Variants in AFF3 observed in about 807,000 individuals in gnomAD.
AFF3 encodes ALF transcription elongation factor 3, also known as AF4/FMR2 family member 3.
In AFF3, 32 loss-of-function variants were observed where a neutral mutation model predicts 129.7. The observed-to-expected ratio is 0.25, with a 90% CI of 0.19 to 0.33. The LOEUF (loss-of-function observed/expected upper bound fraction) is 0.33. Ranked by LOEUF, AFF3 falls within the 10% of genes least tolerant of loss-of-function variation. The pLI is 1.00. For synonymous variants in AFF3, 644 were observed against 635.4 expected (o/e 1.01, Z -0.20); for missense variants, 1,373 against 1,592.0 (o/e 0.86, Z 2.34).
rs143323349 is a variant in AFF3, at chr2:99,942,446, G to T, written c.873+64186C>A. On this transcript the variant is annotated intron_variant, in intron 7 of 24. Coordinates refer to ENST00000672756, the MANE Select transcript of AFF3 (RefSeq NM_001386135.1). ...TTCAGAAAATAAGGATGATGTGCTAGTGAGTGACTGCTGGGAGCTATTTTA... is the reference window on the plus strand; with the variant it reads ...TTCAGAAAATAAGGATGATGTGCTATTGAGTGACTGCTGGGAGCTATTTTA... Among the ~76,000 whole-genome samples, 442 of 150,714 alleles carry T rather than the reference G, an allele frequency of 2.9e-3. 3 individuals are homozygous for T. Among genetic ancestry groups the T allele is most frequent in the African/African-American group, 0.01 (420 of 41,020 alleles).
intron 1 of AFF3, among the ~76,000 whole-genome samples, chr2:100,140,475 A>T (rs184434090): frequency 3.9e-5 from 6 of 152,258 alleles, no homozygotes; most frequent in Admixed American, 3.3e-4. Flanking sequence ...GGATTGGGAC[A>T]CAGAATCTGG....
At chr2:99,984,351 A>G (rs1263091424) in intron 7 of AFF3, among the ~76,000 whole-genome samples, 1 of 152,184 alleles carries the variant, frequency 6.6e-6, no homozygotes, top group Non-Finnish European at 1.5e-5. Flanking sequence ...TAACAGTGAA[A>G]GAGATCACTT....
chr2:100,126,053 A>G (rs1313990913), intron 2 of AFF3, among the ~76,000 whole-genome samples: 1 of 152,222 alleles, frequency 6.6e-6, no homozygotes, highest in Non-Finnish European at 1.5e-5. Flanking sequence ...AACCAAAAAA[A>G]GAGAAGAAAA....
intron 8 of AFF3, among the ~76,000 whole-genome samples, chr2:99,803,690 G>A (rs556418033): frequency 6.6e-6 from 1 of 152,136 alleles, no homozygotes; most frequent in Non-Finnish European, 1.5e-5. Context: ...TATACTATAA[G>A]GTTATAGTAA....
chr2:99,618,096 A>G (rs1320622634), intron 13 of AFF3, among the ~76,000 whole-genome samples: 3 of 151,998 alleles, frequency 2.0e-5, no homozygotes, highest in African/African-American at 7.3e-5. Context: ...CTCGCTGGCT[A>G]TATGACCTTT....
In AFF3 at chr2:99,550,395, A is replaced by G. The variant is rs1410443836; in HGVS notation, c.*1079T>C. On this transcript the variant is annotated 3_prime_UTR_variant, in exon 25 of 25. Transcript: ENST00000672756. ...AGGTGCACATTCTGCATGAGGAGTGAGAGAATCAGCATTATCATGGCAAAT... is the reference window on the plus strand; with the variant it reads ...AGGTGCACATTCTGCATGAGGAGTGGGAGAATCAGCATTATCATGGCAAAT... The G allele has an allele frequency of 8.7e-6, 2 of 230,406 alleles. No homozygotes were observed. The highest frequency in any genetic ancestry group is 1.7e-5 in the Non-Finnish European group (2 of 116,276). 14.3% of individuals were successfully genotyped at this position (230,406 alleles called of 1,614,324 possible).
chr2:100,102,250 A>C (rs1054638341), intron 4 of AFF3, among the ~76,000 whole-genome samples: 2 of 147,974 alleles, frequency 1.4e-5, no homozygotes, highest in Non-Finnish European at 3.0e-5. Context: ...GAAAATGTCT[A>C]AACATATTAG....
chr2:99,946,544 C>T (rs544255221), intron 7 of AFF3, among the ~76,000 whole-genome samples: 15 of 145,254 alleles, frequency 1.0e-4, no homozygotes, highest in African/African-American at 3.3e-4. Flanking sequence ...TGACTTCTGC[C>T]GGAGGGTTCA....
chr2:99,911,641 T>C (rs376238025), intron 7 of AFF3, among the ~76,000 whole-genome samples: 31 of 152,238 alleles, frequency 2.0e-4, no homozygotes, highest in African/African-American at 7.5e-4. Context: ...AAATGGTCCT[T>C]TGAAAAATTA....
chr2:99,695,975 C>CAA (rs10719353), intron 11 of AFF3, among the ~76,000 whole-genome samples: 14 of 114,072 alleles, frequency 1.2e-4, no homozygotes, highest in African/African-American at 4.8e-4. Flanking sequence ...AAGAAAAAAC[C>CAA]AAAAAAAAAA....
intron 7 of AFF3, among the ~76,000 whole-genome samples, chr2:99,952,977 G>A (rs1676303513): frequency 6.6e-6 from 1 of 152,222 alleles, no homozygotes; most frequent in South Asian, 2.1e-4. Context: ...GAGGATTTAA[G>A]TGATAAGATA....
At chr2:100,127,574 A>C (rs972612468) in intron 2 of AFF3, among the ~76,000 whole-genome samples, 1 of 152,086 alleles carries the variant, frequency 6.6e-6, no homozygotes, top group African/African-American at 2.4e-5. Flanking sequence ...CTTCCATGCC[A>C]CTGCTGCACA....
intron 1 of AFF3, among the ~76,000 whole-genome samples, chr2:100,136,298 G>T (rs987947448): frequency 6.6e-6 from 1 of 152,132 alleles, no homozygotes; most frequent in Non-Finnish European, 1.5e-5. Context: ...GGACTGGGGC[G>T]CTTCACCACC....
At chr2:100,022,309 A>G (rs1055722351) in intron 4 of AFF3, among the ~76,000 whole-genome samples, 1 of 152,206 alleles carries the variant, frequency 6.6e-6, no homozygotes, top group Non-Finnish European at 1.5e-5. Flanking sequence ...AATTATCACA[A>G]ATCTTTAAGA....
At chr2:99,707,193 C>A (rs1285372672) in intron 11 of AFF3, 4 of 985,288 alleles carry the variant, frequency 4.1e-6, no homozygotes, top group South Asian at 4.7e-5. Context: ...AAAGGTTATT[C>A]TTCCCCATCC....
At chr2:99,854,369 CCT>C (rs1170419019) in intron 7 of AFF3, among the ~76,000 whole-genome samples, 3 of 152,106 alleles carry the variant, frequency 2.0e-5, no homozygotes, top group Non-Finnish European at 4.4e-5. Flanking sequence ...ACTTGGCATT[CCT>C]CTGTCTGTTG....
chr2:99,741,111 T>C (rs570257069), intron 10 of AFF3, among the ~76,000 whole-genome samples: 160 of 152,324 alleles, frequency 1.1e-3, no homozygotes, highest in African/African-American at 3.7e-3. Context: ...CAGATAGTTG[T>C]AGACATGCGG....
At chr2:99,698,308 C>T (rs1676502214) in intron 11 of AFF3, among the ~76,000 whole-genome samples, 1 of 152,176 alleles carries the variant, frequency 6.6e-6, no homozygotes, top group African/African-American at 2.4e-5. Flanking sequence ...AGTATTAGGG[C>T]CAAGCTGGTA....
In AFF3 at chr2:99,593,719, C is replaced by G. The variant is rs1380593076; in HGVS notation, c.1942G>C (p.Glu648Gln). The G allele has an allele frequency of 1.2e-6, 2 of 1,611,004 alleles. No homozygotes were observed. Among genetic ancestry groups the G allele is most frequent in the Non-Finnish European group, 1.7e-6 (2 of 1,178,540 alleles). ...RKELRSSVTC[E>Q]KRRTRGLSRI... ...CTTAGCCCCCGCGTGCGGCGCTTCT[C>G]GCAGGTCACGGAGGAGCGCAGCTCC... The change falls in exon 15 of 25, where the codon GAG becomes CAG. Residue 648 changes from glutamate (E) to glutamine (Q), a missense_variant. Transcript: ENST00000672756.
Sources: allele counts gnomAD v4.1 joint callset (sites outside exome capture counted in the v4.1 genomes callset), GRCh38; gene constraint gnomAD v4.1.1; transcripts MANE v1.5; gene names NCBI Gene and HGNC (gene_info 2026-07-23, HGNC 2026-07-21).